TLCD3B: variants seen among roughly 807,000 people sequenced by gnomAD.
TLCD3B encodes the protein ceramide synthase.
TLCD3B carries 9 observed loss-of-function variants against 23.0 expected under a neutral mutation model. That is an observed-to-expected ratio of 0.39 (90% CI 0.24 to 0.68). TLCD3B has a LOEUF of 0.68. Ranked by LOEUF, TLCD3B falls within the 30% of genes least tolerant of loss-of-function variation. The pLI is 0.44. For missense variants in TLCD3B, 307 were observed against 371.8 expected, an observed-to-expected ratio of 0.83 and a Z score of 1.43; for synonymous variants, 161 against 161.0, an observed-to-expected ratio of 1.00 and a Z score of 0.00.
chr16:30,037,943 G>C (rs911668412), intron 3 of TLCD3B, among the ~76,000 whole-genome samples: 10 of 152,122 alleles, frequency 6.6e-5, no homozygotes, highest in African/African-American at 2.2e-4. Flanking sequence ...ATTCAGAAAA[G>C]CAAAACATCT....
Position 30,025,841 on chromosome 16 carries a change from G to A in TLCD3B, c.445-20C>T, listed in dbSNP as rs760925289. The A allele has an allele frequency of 5.6e-6, 9 of 1,601,826 alleles. No individual in the cohort carries two copies. In the African/African-American group the frequency reaches 8.0e-5, roughly 14 times the overall value. ...CCACACCTGGGCACAGAGGCAGGAAGGTGAGGAGCTGGGGCTCTCCCTGGG... is the reference window on the plus strand; with the variant it reads ...CCACACCTGGGCACAGAGGCAGGAAAGTGAGGAGCTGGGGCTCTCCCTGGG... On this transcript the variant is annotated intron_variant, in intron 3 of 4. Coordinates refer to ENST00000380495, the MANE Select transcript of TLCD3B (RefSeq NM_031478.6). The surrounding 1 kb of genome is among the most constrained non-coding windows in gnomAD (Gnocchi z 4.1).
At chr16:30,026,043 C>T (rs2071117066) in intron 3 of TLCD3B, among the ~76,000 whole-genome samples, 1 of 151,998 alleles carries the variant, frequency 6.6e-6, no homozygotes, top group African/African-American at 2.4e-5. Flanking sequence ...ACCAGCCTGG[C>T]CAACATGGTG....
At chr16:30,038,576 C>A (rs1331904669) in intron 3 of TLCD3B, among the ~76,000 whole-genome samples, 1 of 152,074 alleles carries the variant, frequency 6.6e-6, no homozygotes, top group Non-Finnish European at 1.5e-5. Flanking sequence ...ATGGTGAAAC[C>A]CCATCTCTAC....
upstream of TLCD3B, chr16:30,036,259 T>A (rs1050852961): frequency 2.3e-6 from 3 of 1,289,084 alleles, no homozygotes; most frequent in Non-Finnish European, 3.0e-6. Flanking sequence ...TTTGGAACTT[T>A]AAAATGACAT....
intron 1 of TLCD3B, among the ~76,000 whole-genome samples, chr16:30,049,870 G>A (rs1038068711): frequency 4.0e-5 from 6 of 151,524 alleles, no homozygotes; most frequent in Admixed American, 6.6e-5. Context: ...GTTGCAGTGC[G>A]CTGAGATCGC....
At chr16:30,043,093 C>T (rs892020969) in intron 2 of TLCD3B, among the ~76,000 whole-genome samples, 1 of 151,900 alleles carries the variant, frequency 6.6e-6, no homozygotes, top group Admixed American at 6.6e-5. Context: ...AGTAAAACTC[C>T]GTCTCCAAAA....
upstream of TLCD3B, chr16:30,035,354 G>C (rs1466446404): frequency 7.8e-7 from 1 of 1,289,592 alleles, no homozygotes; most frequent in South Asian, 1.2e-5. Context: ...CTCTTACTTG[G>C]ATGCTACCAG....
At chr16:30,037,542 CAAAAAAA>C (rs78393499) in intron 3 of TLCD3B, among the ~76,000 whole-genome samples, 9 of 80,184 alleles carry the variant, frequency 1.1e-4, no homozygotes, top group African/African-American at 3.4e-4. Flanking sequence ...GACTGTGTTT[CAAAAAAA>C]AAAAAAAAAA....
intron 3 of TLCD3B, among the ~76,000 whole-genome samples, chr16:30,026,111 T>C (rs1316384856): frequency 6.6e-6 from 1 of 152,128 alleles, no homozygotes; most frequent in Non-Finnish European, 1.5e-5. Flanking sequence ...GGTGGGCACC[T>C]GTAATCCCAG....
At chr16:30,027,426 G>C (rs2071196149) in intron 2 of TLCD3B, among the ~76,000 whole-genome samples, 1 of 152,208 alleles carries the variant, frequency 6.6e-6, no homozygotes, top group African/African-American at 2.4e-5. Flanking sequence ...AGGTAACCTG[G>C]CCAAGGAAGG....
Position 30,025,735 on chromosome 16 carries a change from G to A in TLCD3B, c.531C>T (p.Ile177=). ...TCCCATGCTCACTCACCTGGATGAG[G>A]ATCTTGCCAAGGCAGACGAAGGGCG... ...VSTPFVCLGK[I]LIQYKQQHTL... The change falls in exon 4 of 5, where the codon ATC becomes ATT. Residue 177 remains isoleucine (I), a synonymous_variant. Coordinates refer to ENST00000380495, the MANE Select transcript of TLCD3B (RefSeq NM_031478.6). This position sits in a 1 kb window ranked among gnomAD's most constrained non-coding sequence, Gnocchi z 4.1. 6.2e-7 allele frequency: 1 copy of A among 1,614,134 alleles called. No individual in the cohort carries two copies. The highest frequency in any genetic ancestry group is 8.5e-7 in the Non-Finnish European group (1 of 1,180,016).
At chr16:30,037,673 G>A (rs920304161) in intron 3 of TLCD3B, among the ~76,000 whole-genome samples, 15 of 152,042 alleles carry the variant, frequency 9.9e-5, no homozygotes, top group African/African-American at 1.7e-4. Flanking sequence ...GGAGTTCAAG[G>A]CTGTAGTGAG....
chr16:30,030,780 C>T lies in TLCD3B; in HGVS notation c.-253G>A, dbSNP rs1157715960. On this transcript the variant is annotated 5_prime_UTR_variant, in exon 1 of 5. Coordinates refer to ENST00000380495, the MANE Select transcript of TLCD3B (RefSeq NM_031478.6). ...GAGAAGGGGAGCAGGAGCAGGCCAG[C>T]GAGGGATGGGGAGAGGCAAAGAGGG... The T allele has an allele frequency of 1.7e-5, 19 of 1,101,278 alleles. No homozygotes were observed. In the South Asian group the frequency reaches 2.1e-4, roughly 12 times the overall value. 68.2% of individuals were successfully genotyped at this position (1,101,278 alleles called of 1,614,324 possible). A position where few individuals can be genotyped will look rare whatever the true frequency, so the allele number is the denominator to read the frequency against.
At chr16:30,048,092 A>G (rs2071700261) in intron 1 of TLCD3B, among the ~76,000 whole-genome samples, 2 of 151,728 alleles carry the variant, frequency 1.3e-5, no homozygotes, top group Non-Finnish European at 2.9e-5. Flanking sequence ...CAGTGAGTCA[A>G]GATCGCACAA....
Position 30,030,832 on chromosome 16 carries a change from A to G in TLCD3B, c.-305T>C. ...ATGGCTTGGTGAGGGACAGAGAGGA[A>G]GAGGGGACAGGAGGAGGAGGATGCG... On this transcript the variant is annotated 5_prime_UTR_variant, in exon 1 of 5. Transcript: ENST00000380495. 1 of 1,000,026 alleles carries G rather than the reference A, an allele frequency of 1.0e-6. No individual in the cohort carries two copies. Among genetic ancestry groups the G allele is most frequent in the Non-Finnish European group, 1.2e-6 (1 of 842,594 alleles). The allele number at this position is 1,000,026 out of a possible 1,614,324, so 61.9% of individuals were successfully genotyped here.
chr16:30,036,746 G>C (rs2071481621), intron 3 of TLCD3B, among the ~76,000 whole-genome samples: 1 of 152,164 alleles, frequency 6.6e-6, no homozygotes, highest in Non-Finnish European at 1.5e-5. Context: ...GGACAGCTAT[G>C]TTTCAGGGAC....
intron 1 of TLCD3B, among the ~76,000 whole-genome samples, chr16:30,048,441 C>T (rs1047738075): frequency 6.6e-6 from 1 of 152,038 alleles, no homozygotes; most frequent in African/African-American, 2.4e-5. Context: ...TCATTCTATG[C>T]CATGTGCCTT....
At chr16:30,052,459 A>G (rs4788220) in intron 1 of TLCD3B, among the ~76,000 whole-genome samples, 70,921 of 151,464 alleles carry the variant, frequency 0.47, 16,821 homozygotes, top group African/African-American at 0.52. Flanking sequence ...CACTTTGGGA[A>G]GCTGAGGCGG....
chr16:30,049,430 T>G (rs1005000938), intron 1 of TLCD3B, among the ~76,000 whole-genome samples: 1 of 152,162 alleles, frequency 6.6e-6, no homozygotes, highest in Non-Finnish European at 1.5e-5. Context: ...CTGGGAACTC[T>G]GCATCTCTGA....
Sources: gnomAD v4.1 joint callset for allele counts (sites outside exome capture counted in the v4.1 genomes callset) on GRCh38, gnomAD v4.1.1 for gene constraint, Gnocchi (gnomAD v3.1) non-coding constraint, MANE v1.5 for transcripts, NCBI Gene and HGNC (gene_info 2026-07-23, HGNC 2026-07-21) for gene names.